STK32B: variants seen among roughly 807,000 people sequenced by gnomAD.
STK32B encodes serine/threonine kinase 32B, also known as serine/threonine-protein kinase 32B.
Under a neutral mutation model 52.6 loss-of-function variants are expected in STK32B, and 43 were observed. That is an observed-to-expected ratio of 0.82 (90% CI 0.64 to 1.05). The LOEUF is 1.05. STK32B is among the 50% of genes least tolerant of loss of function. The pLI is 0.00. For synonymous variants in STK32B, 238 were observed against 204.3 expected (o/e 1.17, Z -1.41); for missense variants, 621 against 534.6 (o/e 1.16, Z -1.59).
At chr4:5,046,996 C>G (rs1741631258), upstream of STK32B, among the ~76,000 whole-genome samples, 1 of 151,958 alleles carries the variant, frequency 6.6e-6, no homozygotes, top group Admixed American at 6.6e-5. Flanking sequence ...GGGTATATAC[C>G]CAAAGGAATA....
chr4:5,317,499 A>C (rs1256033662), intron 3 of STK32B, among the ~76,000 whole-genome samples: 1 of 102,036 alleles, frequency 9.8e-6, no homozygotes, highest in Non-Finnish European at 1.7e-5. Context: ...TATAATATAT[A>C]TTATATATGT....
intron 2 of STK32B, among the ~76,000 whole-genome samples, chr4:5,144,075 A>G (rs1278296004): frequency 2.0e-5 from 3 of 152,190 alleles, no homozygotes; most frequent in Non-Finnish European, 2.9e-5. Flanking sequence ...TCATTCTTAC[A>G]TAACACATTG....
chr4:5,331,532 A>C, intron 4 of STK32B, 139 bp downstream of exon 4: 1 of 852,602 alleles, frequency 1.2e-6, no homozygotes, highest in Non-Finnish European at 1.7e-6. Flanking sequence ...AAAGCAGAAC[A>C]CTTTTCTTCC....
chr4:5,216,952 ATAT>A (rs774297156), intron 3 of STK32B, among the ~76,000 whole-genome samples: 1 of 152,178 alleles, frequency 6.6e-6, no homozygotes, highest in Non-Finnish European at 1.5e-5. Flanking sequence ...TGCTTGATAA[ATAT>A]TAATCACCTC....
intron 3 of STK32B, among the ~76,000 whole-genome samples, chr4:5,301,660 CTTTCT>C (rs1333428892): frequency 7.1e-5 from 7 of 99,150 alleles, no homozygotes; most frequent in African/African-American, 3.6e-4. Flanking sequence ...AGTTTCTTTT[CTTTCT>C]TTTTTTTTTT....
intron 1 of STK32B, among the ~76,000 whole-genome samples, chr4:5,103,300 T>A (rs949461072): frequency 2.0e-5 from 3 of 152,128 alleles, no homozygotes; most frequent in Admixed American, 1.3e-4. Context: ...ATCCGAATCC[T>A]TCTCCCTTCC....
chr4:5,412,287 C>G lies in STK32B; in HGVS notation c.473-4558C>G, dbSNP rs1179467386. ...ATTTTCACATTCTATAGTAAACTTT[C>G]ATTCTCCTGAGAAGGAACTCATAGG... On this transcript the variant is annotated intron_variant, in intron 5 of 11. Transcript: ENST00000282908. Among the ~76,000 whole-genome samples, 3 of 152,222 alleles carry G rather than the reference C, an allele frequency of 2.0e-5. No individual in the cohort carries two copies. In the Middle Eastern group the frequency reaches 9.5e-3, roughly 482 times the overall value.
At chr4:5,198,559 T>C (rs1158140529) in intron 3 of STK32B, among the ~76,000 whole-genome samples, 1 of 152,134 alleles carries the variant, frequency 6.6e-6, no homozygotes, top group South Asian at 2.1e-4. Flanking sequence ...CTGGGGGAGT[T>C]GGTCTGTCTG....
rs1421462605 is a variant in STK32B at position 5,433,750 on chromosome 4, C to T, written c.563-12923C>T. 2.6e-5 allele frequency among the ~76,000 whole-genome samples: 4 copies of T among 152,280 alleles called. No individual in the cohort carries two copies. The East Asian group carries it at 7.7e-4, about 29-fold the overall frequency. ...TCACACTCCACTGCAAATATCAAAA[C>T]CTTCAGCAATATTCACAGAGCTCAC... On this transcript the variant is annotated intron_variant, in intron 6 of 11. Transcript: ENST00000282908.
chr4:5,094,636 C>CAG (rs1003276470), intron 1 of STK32B, among the ~76,000 whole-genome samples: 1 of 152,096 alleles, frequency 6.6e-6, no homozygotes, highest in Admixed American at 6.6e-5. Context: ...GCCTAGGTGA[C>CAG]AGAGAGAGAC....
At chr4:5,244,397 G>T (rs904004485) in intron 3 of STK32B, among the ~76,000 whole-genome samples, 1 of 152,142 alleles carries the variant, frequency 6.6e-6, no homozygotes, top group South Asian at 2.1e-4. Flanking sequence ...ATGGTAGTTT[G>T]TATTTCTGTG....
At chr4:5,134,185 T>G (rs1715934338) in intron 1 of STK32B, among the ~76,000 whole-genome samples, 1 of 152,326 alleles carries the variant, frequency 6.6e-6, no homozygotes, top group Non-Finnish European at 1.5e-5. Flanking sequence ...CAGATTTTTT[T>G]GGCAAATCTT....
At chr4:5,184,410 A>G (rs956679013) in intron 3 of STK32B, among the ~76,000 whole-genome samples, 5 of 152,138 alleles carry the variant, frequency 3.3e-5, no homozygotes, top group African/African-American at 1.2e-4. Context: ...CCCCAAAACA[A>G]TTGTAGTAGT....
At chr4:5,393,978 C>T (rs767549837) in intron 4 of STK32B, among the ~76,000 whole-genome samples, 9 of 152,140 alleles carry the variant, frequency 5.9e-5, no homozygotes, top group Non-Finnish European at 1.0e-4. Context: ...TTCGCTTAGT[C>T]TAGCTTTCCC....
intron 3 of STK32B, among the ~76,000 whole-genome samples, chr4:5,191,717 G>T (rs1307785693): frequency 6.6e-6 from 1 of 152,090 alleles, no homozygotes; most frequent in Non-Finnish European, 1.5e-5. Flanking sequence ...CTGAGAATTG[G>T]GCCCAAGCAC....
At chr4:5,076,295 T>C (rs561334376) in intron 1 of STK32B, among the ~76,000 whole-genome samples, 3 of 152,318 alleles carry the variant, frequency 2.0e-5, no homozygotes, top group African/African-American at 7.2e-5. Flanking sequence ...ATTAGTATTA[T>C]ATTTTAACAA....
intron 1 of STK32B, among the ~76,000 whole-genome samples, chr4:5,088,016 C>T (rs1461778008): frequency 6.6e-6 from 1 of 152,036 alleles, no homozygotes; most frequent in African/African-American, 2.4e-5. Context: ...GCTCATGAAA[C>T]ATTTTCCAAG....
intron 11 of STK32B, among the ~76,000 whole-genome samples, chr4:5,491,942 C>G (rs931534363): frequency 9.9e-5 from 15 of 152,156 alleles, no homozygotes; most frequent in Admixed American, 2.6e-4. Context: ...ATGTATATCT[C>G]TCTTTTGGTA....
chr4:5,057,713 G>A (rs977652738), intron 1 of STK32B, among the ~76,000 whole-genome samples: 12 of 152,086 alleles, frequency 7.9e-5, no homozygotes, highest in Admixed American at 7.9e-4. Flanking sequence ...AGCATAATCT[G>A]GTGCTAAGCC....
Sources: allele counts gnomAD v4.1 joint callset (sites outside exome capture counted in the v4.1 genomes callset), GRCh38; gene constraint gnomAD v4.1.1; transcripts MANE v1.5; gene names NCBI Gene and HGNC (gene_info 2026-07-23, HGNC 2026-07-21).